The following NRG3 variants were observed in gnomAD, a reference collection of about 807,000 sequenced individuals.
NRG3 encodes the protein neuregulin 3, also known as pro-neuregulin-3, membrane-bound isoform.
NRG3 carries 31 observed loss-of-function variants against 66.9 expected under a neutral mutation model. The observed-to-expected ratio is 0.46, with a 90% CI of 0.35 to 0.63. The LOEUF is 0.63. Among genes scored for constraint, NRG3 ranks in the 20% least tolerant of loss-of-function variants. The pLI is 0.00. For synonymous variants in NRG3, 393 were observed against 359.4 expected, an observed-to-expected ratio of 1.09 and a Z score of -1.06; for missense variants, 910 against 878.9, an observed-to-expected ratio of 1.04 and a Z score of -0.45.
chr10:82,127,853 C>T (rs945798713), intron 1 of NRG3, among the ~76,000 whole-genome samples: 4 of 151,958 alleles, frequency 2.6e-5, no homozygotes, highest in Non-Finnish European at 5.9e-5. Context: ...CTCCCACCCT[C>T]TTCAGTGCTT....
chr10:81,956,656 A>G (rs1460202415), intron 1 of NRG3, among the ~76,000 whole-genome samples: 1 of 152,132 alleles, frequency 6.6e-6, no homozygotes, highest in African/African-American at 2.4e-5. Flanking sequence ...CTTATTTACT[A>G]TAGATGACTC....
intron 1 of NRG3, among the ~76,000 whole-genome samples, chr10:82,186,629 G>C (rs2073826401): frequency 6.6e-6 from 1 of 152,140 alleles, no homozygotes; most frequent in Non-Finnish European, 1.5e-5. Context: ...ACCTTTAAAT[G>C]CAGATAGGTG....
chr10:82,386,226 T>C (rs1009309439), intron 2 of NRG3, among the ~76,000 whole-genome samples: 2 of 152,220 alleles, frequency 1.3e-5, no homozygotes, highest in Non-Finnish European at 2.9e-5. Flanking sequence ...TATTGAAACT[T>C]TAATTATATA....
chr10:82,142,920 A>G (rs2069921547), intron 1 of NRG3, among the ~76,000 whole-genome samples: 1 of 127,756 alleles, frequency 7.8e-6, no homozygotes, highest in South Asian at 2.7e-4. Flanking sequence ...ACACCTGGCT[A>G]AGTTTTTTTT....
intron 2 of NRG3, among the ~76,000 whole-genome samples, chr10:82,707,105 C>G (rs2134351196): frequency 6.7e-6 from 1 of 149,902 alleles, no homozygotes; most frequent in East Asian, 1.9e-4. Context: ...CTTTTGTACT[C>G]AATTTCATCA....
intron 2 of NRG3, among the ~76,000 whole-genome samples, chr10:82,413,125 A>G (rs2088237503): frequency 6.6e-6 from 1 of 152,210 alleles, no homozygotes; most frequent in Non-Finnish European, 1.5e-5. Context: ...AATACTTTCC[A>G]GAAGGTTTTC....
At position 82,888,303 on chromosome 10, in the gene NRG3, G is replaced by C. The variant is rs1360963508; in HGVS notation, c.1054+22866G>C. Reference sequence around the variant, plus strand: ...AGCAAACATTAAAAATAAATAAATGGTTACATATGTGCATGACAGAATTCC... The same window carrying C: ...AGCAAACATTAAAAATAAATAAATGCTTACATATGTGCATGACAGAATTCC... On this transcript the variant is annotated intron_variant, in intron 4 of 8. Transcript: ENST00000372141. 3.3e-5 allele frequency among the ~76,000 whole-genome samples: 5 copies of C among 152,126 alleles called. No homozygotes were observed. The East Asian group carries it at 9.6e-4, about 29-fold the overall frequency.
chr10:82,099,296 CT>C (rs1219417994), intron 1 of NRG3, among the ~76,000 whole-genome samples: 2 of 152,210 alleles, frequency 1.3e-5, no homozygotes, highest in South Asian at 2.1e-4. Flanking sequence ...TTAGGATTCA[CT>C]TTTTTGATAA....
intron 4 of NRG3, among the ~76,000 whole-genome samples, chr10:82,930,504 G>C (rs1847461943): frequency 6.6e-6 from 1 of 152,246 alleles, no homozygotes; most frequent in South Asian, 2.1e-4. Context: ...CAATAGGGTG[G>C]ATAATATGCC....
At chr10:82,026,397 A>T (rs190970927) in intron 1 of NRG3, among the ~76,000 whole-genome samples, 11 of 152,242 alleles carry the variant, frequency 7.2e-5, no homozygotes, top group African/African-American at 2.6e-4. Context: ...CAAAGGATGC[A>T]TTATAAAAGA....
At chr10:82,790,382 A>G (rs1049182183) in intron 3 of NRG3, among the ~76,000 whole-genome samples, 1 of 151,908 alleles carries the variant, frequency 6.6e-6, no homozygotes, top group African/African-American at 2.4e-5. Flanking sequence ...TTTTCTTTCA[A>G]CAGTTTGAAT....
intron 2 of NRG3, among the ~76,000 whole-genome samples, chr10:82,539,914 G>A (rs781489027): frequency 2.6e-5 from 4 of 152,068 alleles, no homozygotes; most frequent in African/African-American, 4.8e-5. Flanking sequence ...TTACAGGCGT[G>A]AGCCACCGCA....
intron 2 of NRG3, among the ~76,000 whole-genome samples, chr10:82,402,391 G>T (rs1438669174): frequency 6.6e-6 from 1 of 151,944 alleles, no homozygotes; most frequent in African/African-American, 2.4e-5. Flanking sequence ...GGTTGAGTTT[G>T]GGGGAAAAAA....
intron 2 of NRG3, among the ~76,000 whole-genome samples, chr10:82,445,139 GTTT>G (rs10708276): frequency 6.9e-6 from 1 of 145,604 alleles, no homozygotes; most frequent in African/African-American, 2.5e-5. Flanking sequence ...CCCCATGCCA[GTTT>G]TTTTTTTTTT....
At chr10:82,944,351 T>G (rs1345356134) in intron 4 of NRG3, among the ~76,000 whole-genome samples, 1 of 152,248 alleles carries the variant, frequency 6.6e-6, no homozygotes, top group Non-Finnish European at 1.5e-5. Flanking sequence ...CCATAATTTT[T>G]ATAATTCTTT....
chr10:82,206,710 A>G (rs2075135687), intron 1 of NRG3, among the ~76,000 whole-genome samples: 1 of 152,182 alleles, frequency 6.6e-6, no homozygotes, highest in South Asian at 2.1e-4. Context: ...TATCTCAGGG[A>G]CCTTTACACC....
At chr10:82,411,751 T>C (rs2088109377) in intron 2 of NRG3, among the ~76,000 whole-genome samples, 1 of 152,152 alleles carries the variant, frequency 6.6e-6, no homozygotes, top group South Asian at 2.1e-4. Flanking sequence ...TCTTCACAAC[T>C]GTGGCTTCTG....
At chr10:82,812,397 G>A (rs993724116) in intron 3 of NRG3, among the ~76,000 whole-genome samples, 3 of 152,016 alleles carry the variant, frequency 2.0e-5, no homozygotes, top group Admixed American at 6.6e-5. Flanking sequence ...AAGGTTCTTC[G>A]GCTCAAGAAC....
At chr10:82,687,869 C>CAA (rs995723927) in intron 2 of NRG3, among the ~76,000 whole-genome samples, 1 of 152,174 alleles carries the variant, frequency 6.6e-6, no homozygotes, top group African/African-American at 2.4e-5. Flanking sequence ...CTGGTTCTTT[C>CAA]AATGAGACTC....
Sources: gnomAD v4.1 joint callset for allele counts (sites outside exome capture counted in the v4.1 genomes callset) on GRCh38, gnomAD v4.1.1 for gene constraint, MANE v1.5 for transcripts, NCBI Gene and HGNC (gene_info 2026-07-23, HGNC 2026-07-21) for gene names.